KAZN: variants seen among roughly 807,000 people sequenced by gnomAD.
KAZN encodes kazrin, periplakin interacting protein, also known as kazrin.
In KAZN, 40 loss-of-function variants were observed where a neutral mutation model predicts 87.4. The ratio of observed to expected loss-of-function variants is 0.46; its 90% confidence interval spans 0.36 to 0.60. The LOEUF is 0.60. Ranked by LOEUF, KAZN falls within the 20% of genes least tolerant of loss-of-function variation. The pLI, the probability that KAZN is intolerant of heterozygous loss-of-function variation, is 0.00. For synonymous variants in KAZN, 466 were observed against 458.3 expected (o/e 1.02, Z -0.22); for missense variants, 898 against 1,073.9 (o/e 0.84, Z 2.29).
At chr1:14,318,947 T>G (rs577851427) in intron 2 of KAZN, among the ~76,000 whole-genome samples, 2 of 151,920 alleles carry the variant, frequency 1.3e-5, no homozygotes, top group Non-Finnish European at 2.9e-5. Context: ...AAAACAACTT[T>G]TAAAATCTTT....
intron 1 of KAZN, among the ~76,000 whole-genome samples, chr1:13,919,171 T>A (rs1438755127): frequency 6.6e-6 from 1 of 152,228 alleles, no homozygotes; most frequent in Non-Finnish European, 1.5e-5. Flanking sequence ...TGCACTGCAC[T>A]TATCTACTCT....
chr1:14,654,813 G>A (rs908377907), intron 1 of KAZN, among the ~76,000 whole-genome samples: 9 of 152,208 alleles, frequency 5.9e-5, no homozygotes, highest in African/African-American at 2.2e-4. Flanking sequence ...AGGGCTGGAG[G>A]AATAGTCCCC....
At chr1:14,582,379 G>A (rs1675609371) in intron 2 of KAZN, among the ~76,000 whole-genome samples, 1 of 152,144 alleles carries the variant, frequency 6.6e-6, no homozygotes, top group South Asian at 2.1e-4. Context: ...CCCAATTTTA[G>A]CTTGTCTCTT....
chr1:14,701,830 G>A (rs1641937742), intron 1 of KAZN, among the ~76,000 whole-genome samples: 1 of 152,088 alleles, frequency 6.6e-6, no homozygotes, highest in Non-Finnish European at 1.5e-5. Context: ...GAAGAAGGTG[G>A]CACCTGCCCT....
chr1:13,937,707 G>A (rs1640790552), intron 1 of KAZN, among the ~76,000 whole-genome samples: 1 of 152,076 alleles, frequency 6.6e-6, no homozygotes, highest in Non-Finnish European at 1.5e-5. Context: ...TTTGTGTATA[G>A]TGAGAGATAT....
chr1:14,930,190 C>A, intron 1 of KAZN: 1 of 563,208 alleles, frequency 1.8e-6, no homozygotes, highest in Non-Finnish European at 2.2e-6. Context: ...ACACCCTCCA[C>A]CTGGCACCAG....
At chr1:14,745,588 G>C (rs1572380445) in intron 1 of KAZN, among the ~76,000 whole-genome samples, 2 of 152,112 alleles carry the variant, frequency 1.3e-5, no homozygotes, top group East Asian at 3.8e-4. Context: ...CAGCATTGGG[G>C]ACCCACTGCT....
intron 2 of KAZN, among the ~76,000 whole-genome samples, chr1:14,321,651 A>G (rs1656058739): frequency 6.6e-6 from 1 of 152,214 alleles, no homozygotes; most frequent in South Asian, 2.1e-4. Flanking sequence ...CTATAAAAGC[A>G]TCATTCATTT....
At chr1:14,661,521 GA>G (rs1639162390) in intron 1 of KAZN, among the ~76,000 whole-genome samples, 1 of 152,170 alleles carries the variant, frequency 6.6e-6, no homozygotes, top group African/African-American at 2.4e-5. Context: ...ATATGTAAAT[GA>G]ATGGATTTGG....
chr1:15,063,978 C>G (rs1639027839), intron 7 of KAZN, among the ~76,000 whole-genome samples: 1 of 152,246 alleles, frequency 6.6e-6, no homozygotes, highest in Non-Finnish European at 1.5e-5. Context: ...GCCCTGTGCC[C>G]TGCAGGGCTG....
chr1:13,995,188 C>T (rs146777532), intron 1 of KAZN, among the ~76,000 whole-genome samples: 2 of 141,664 alleles, frequency 1.4e-5, no homozygotes, highest in Non-Finnish European at 3.0e-5. Flanking sequence ...CTTATCATTA[C>T]TTCTTGGAAG....
At chr1:14,367,462 A>C (rs1217028143) in intron 2 of KAZN, among the ~76,000 whole-genome samples, 1 of 151,648 alleles carries the variant, frequency 6.6e-6, no homozygotes, top group Non-Finnish European at 1.5e-5. Flanking sequence ...TGGGGACAGG[A>C]TGGGGGGCGG....
At chr1:14,544,342 C>CTTTT (rs1672994956) in intron 2 of KAZN, among the ~76,000 whole-genome samples, 15 of 80,990 alleles carry the variant, frequency 1.9e-4, no homozygotes, top group East Asian at 1.2e-3. Context: ...CTTTTTCTTT[C>CTTTT]TTTCTTTCTT....
chr1:14,870,388 G>A (rs2101055322), intron 1 of KAZN, among the ~76,000 whole-genome samples: 1 of 152,246 alleles, frequency 6.6e-6, no homozygotes, highest in Middle Eastern at 3.4e-3. Flanking sequence ...TGTCGCCCAG[G>A]CTGGAGTGCA....
intron 1 of KAZN, among the ~76,000 whole-genome samples, chr1:14,876,977 C>T (rs1652834777): frequency 6.6e-6 from 1 of 152,234 alleles, no homozygotes; most frequent in East Asian, 1.9e-4. Flanking sequence ...TCAACCCAAA[C>T]TGTCTTAAGC....
chr1:14,842,145 C>T (rs1041165228), intron 1 of KAZN, among the ~76,000 whole-genome samples: 1 of 152,188 alleles, frequency 6.6e-6, no homozygotes, highest in Non-Finnish European at 1.5e-5. Context: ...CTCAGCCCAA[C>T]CCCCACTAGA....
intron 2 of KAZN, among the ~76,000 whole-genome samples, chr1:14,514,295 A>G (rs1671084220): frequency 8.5e-6 from 1 of 117,920 alleles, no homozygotes; most frequent in African/African-American, 3.2e-5. Context: ...ACTGCACTCC[A>G]GCCTGGGTGA....
At chr1:14,902,377 C>T (rs1391613093) in intron 1 of KAZN, among the ~76,000 whole-genome samples, 1 of 152,126 alleles carries the variant, frequency 6.6e-6, no homozygotes, top group Non-Finnish European at 1.5e-5. Flanking sequence ...AGGCACCCGC[C>T]ACCACACCCG....
chr1:13,893,507 GGAA>G, exon 1 of KAZN: 3 of 1,248,652 alleles, frequency 2.4e-6, no homozygotes, highest in Non-Finnish European at 3.2e-6. Flanking sequence ...GGTGGCGAAA[GGAA>G]GAAACACTAT....
Sources: allele counts gnomAD v4.1 joint callset (sites outside exome capture counted in the v4.1 genomes callset), GRCh38; gene constraint gnomAD v4.1.1; transcripts MANE v1.5; gene names NCBI Gene and HGNC (gene_info 2026-07-23, HGNC 2026-07-21).